Variants in TNC observed in about 807,000 individuals in gnomAD.
The protein encoded by TNC is tenascin C.
A neutral mutation model predicts 202.4 loss-of-function variants in TNC; 109 were observed. The ratio of observed to expected loss-of-function variants is 0.54; its 90% CI spans 0.46 to 0.63. The LOEUF is 0.63. TNC is among the 30% of genes least tolerant of loss of function. The probability of loss-of-function intolerance (pLI) is 0.00; values close to 1 mark genes in which losing one functional copy is unlikely to be tolerated. For synonymous variants in TNC, 1,007 were observed against 1,089.7 expected (o/e 0.92, Z 1.50); for missense variants, 2,756 against 2,833.3 (o/e 0.97, Z 0.62).
Position 115,064,731 on chromosome 9 carries a change from T to C in TNC, c.3403A>G (p.Lys1135Glu). The change falls in exon 11 of 28, where the codon AAG (lysine) becomes GAG (glutamate). Residue 1135 changes from lysine to glutamate, a missense_variant. Physicochemically the swap from Lys to Glu is moderately conservative, Grantham distance 56. Transcript: ENST00000350763. ...GAGACTGTATAAGGCGTAGCAGCCTTGAGGCCCGGTATGTCCACAGCCCGA... is the reference window on the plus strand; with the variant it reads ...GAGACTGTATAAGGCGTAGCAGCCTCGAGGCCCGGTATGTCCACAGCCCGA... ...SLRAVDIPGL[K>E]AATPYTVSIY... 1.2e-6 allele frequency: 2 copies of C among 1,614,178 alleles called. No homozygotes were observed. Among genetic ancestry groups the C allele is most frequent in the South Asian group, 2.2e-5 (2 of 91,084 alleles).
chr9:115,021,303 G>C, intron 27 of TNC, 36 bp from the exon 28 acceptor site: 1 of 1,525,716 alleles, frequency 6.6e-7, no homozygotes, highest in Non-Finnish European at 9.0e-7. Context: ...GAGAGAGAGA[G>C]AGAAGGCCTC....
At chr9:115,023,148 G>A (rs1174225020) in intron 27 of TNC, among the ~76,000 whole-genome samples, 1 of 152,126 alleles carries the variant, frequency 6.6e-6, no homozygotes, top group Non-Finnish European at 1.5e-5. Context: ...AAAGTCCTTG[G>A]GATTCCAGTG....
intron 10 of TNC, among the ~76,000 whole-genome samples, chr9:115,072,787 A>G (rs1045258166): frequency 9.9e-5 from 15 of 152,250 alleles, no homozygotes; most frequent in African/African-American, 3.4e-4. Context: ...TTGGAAGTAA[A>G]GACTATTACT....
intron 10 of TNC, among the ~76,000 whole-genome samples, chr9:115,072,776 A>G (rs1833559693): frequency 6.6e-6 from 1 of 152,256 alleles, no homozygotes; most frequent in Non-Finnish European, 1.5e-5. Flanking sequence ...TACTAATTAA[A>G]TTGGAAGTAA....
chr9:115,034,999 A>G (rs1349669908), intron 22 of TNC, among the ~76,000 whole-genome samples: 3 of 152,182 alleles, frequency 2.0e-5, no homozygotes, highest in Non-Finnish European at 4.4e-5. Context: ...TTGGCTGCCT[A>G]TCAGAACTGG....
chr9:115,106,444 A>G (rs1172676011), intron 1 of TNC, among the ~76,000 whole-genome samples: 1 of 152,244 alleles, frequency 6.6e-6, no homozygotes. Context: ...AATATCATTA[A>G]TATGAATAGA....
At chr9:115,064,595 G>C in intron 11 of TNC, 52 bp downstream of exon 11, 1 of 1,544,562 alleles carries the variant, frequency 6.5e-7, no homozygotes, top group Non-Finnish European at 8.8e-7. Context: ...TTATTCATGG[G>C]CAGTTTCCTG....
intron 1 of TNC, among the ~76,000 whole-genome samples, chr9:115,107,644 G>A (rs1836719645): frequency 6.6e-6 from 1 of 152,124 alleles, no homozygotes; most frequent in Non-Finnish European, 1.5e-5. Context: ...GGCTTAAGAG[G>A]CAGAGCCAGC....
At position 115,087,145 on chromosome 9, in the gene TNC, GGTGACAGTT is replaced by G; in HGVS notation, c.577_585del (p.Asn193_His195del). 1 of 1,614,272 alleles carries G rather than the reference GGTGACAGTT, an allele frequency of 6.2e-7. No individual in the cohort carries two copies. Among genetic ancestry groups the G allele is most frequent in the Non-Finnish European group, 8.5e-7 (1 of 1,180,060 alleles). On this transcript the variant is annotated inframe_deletion, in exon 3 of 28. Coordinates refer to ENST00000350763, the MANE Select transcript of TNC (RefSeq NM_002160.4). ...TGCCCATCAATGCACCGGCCTCGAA[GGTGACAGTT>G]GCCTGGACATTCGGGCTCAGAGCAG... is the stretch of plus-strand genomic sequence containing the variant.
chr9:115,082,710 C>T lies in TNC; in HGVS notation c.2229G>A (p.Glu743=), dbSNP rs1434952174. The T allele has an allele frequency of 1.2e-6, 2 of 1,612,018 alleles. No homozygotes were observed. The highest frequency in any genetic ancestry group is 2.2e-5 in the South Asian group (2 of 91,052). The change falls in exon 5 of 28, where the codon GAG becomes GAA. Residue 743 remains glutamate (E), a synonymous_variant. Transcript: ENST00000350763. ...DPLDIAFETW[E]IIFRNMNKED... is the part of the protein sequence containing the mutation. ...TCCTTACCATATTCCGGAAGATGAT[C>T]TCCCAGGTTTCAAAAGCAATGTCTA...
At chr9:115,049,068 G>GT (rs897107232) in intron 15 of TNC, among the ~76,000 whole-genome samples, 2 of 86,846 alleles carry the variant, frequency 2.3e-5, no homozygotes, top group Admixed American at 1.9e-4. Context: ...AAGGGAGGAG[G>GT]TAAGTTTTTT....
At chr9:115,073,533 AC>A (rs1379450929) in intron 10 of TNC, 69 bp downstream of exon 10, 3 of 1,549,328 alleles carry the variant, frequency 1.9e-6, no homozygotes, top group Non-Finnish European at 2.6e-6. Context: ...ATGTGAGGAC[AC>A]CCTGGCTGAG....
intron 1 of TNC, among the ~76,000 whole-genome samples, chr9:115,108,494 G>T (rs73555021): frequency 0.025 from 3,731 of 152,112 alleles, 153 homozygotes; most frequent in African/African-American, 0.086. Flanking sequence ...CTGCACAATG[G>T]CACATTCACC....
In TNC at chr9:115,024,995, C is replaced by T. The variant is rs146100792; in HGVS notation, c.6332-859G>A. On this transcript the variant is annotated intron_variant, in intron 26 of 27. Transcript: ENST00000350763. ...CCAGATACCTTTTTAACTGATGATGCTACCCAGAGCATGAGGACGGCACGT... is the reference window on the plus strand; with the variant it reads ...CCAGATACCTTTTTAACTGATGATGTTACCCAGAGCATGAGGACGGCACGT... 5.2e-3 allele frequency among the ~76,000 whole-genome samples: 796 copies of T among 152,266 alleles called. 8 individuals carry two copies. The highest frequency in any genetic ancestry group is 0.018 in the African/African-American group (749 of 41,534).
intron 1 of TNC, among the ~76,000 whole-genome samples, chr9:115,097,772 A>G (rs766477907): frequency 3.1e-4 from 47 of 152,338 alleles, no homozygotes; most frequent in Non-Finnish European, 3.1e-4. Context: ...GTGGTGTAGC[A>G]TGCAGGGAAT....
At chr9:115,099,196 A>G (rs902667355) in intron 1 of TNC, among the ~76,000 whole-genome samples, 1 of 152,150 alleles carries the variant, frequency 6.6e-6, no homozygotes, top group Non-Finnish European at 1.5e-5. Context: ...TAAATGGTTT[A>G]TTCTTGCATT....
chr9:115,089,786 C>T (rs1835078136), intron 2 of TNC, among the ~76,000 whole-genome samples: 1 of 152,204 alleles, frequency 6.6e-6, no homozygotes, highest in Admixed American at 6.5e-5. Context: ...AGGCGTGAAC[C>T]ACTGCGCCTA....
In TNC at chr9:115,090,611, C is replaced by T. The variant is rs140689506; in HGVS notation, c.408G>A (p.Leu136=). The T allele has an allele frequency of 5.6e-6, 9 of 1,604,080 alleles. No homozygotes were observed. Among genetic ancestry groups the T allele is most frequent in the Middle Eastern group, 3.3e-4 (2 of 6,044 alleles). The part of the protein sequence containing the change: ...LEELENLVSS[L]REQCTAGAGC... ...CTGCTCCTGCAGTACATTGCTCCCT[C>T]AGGGAAGACACCAGGTTCTCCAGCT... is the stretch of plus-strand genomic sequence containing the variant. The change falls in exon 2 of 28, where the codon CTG becomes CTA. Residue 136 remains leucine, a synonymous_variant. Coordinates refer to ENST00000350763, the MANE Select transcript of TNC (RefSeq NM_002160.4).
chr9:115,033,636 G>A (rs1261444606), intron 22 of TNC, among the ~76,000 whole-genome samples: 1 of 152,218 alleles, frequency 6.6e-6, no homozygotes, highest in Non-Finnish European at 1.5e-5. Context: ...ATCAATTCCA[G>A]GAAGGGGCAT....
Sources: allele counts gnomAD v4.1 joint callset (sites outside exome capture counted in the v4.1 genomes callset), GRCh38; gene constraint gnomAD v4.1.1; transcripts MANE v1.5; gene names NCBI Gene and HGNC (gene_info 2026-07-23, HGNC 2026-07-21).